The following RAPGEF2 variants were observed in gnomAD, a reference collection of about 807,000 sequenced individuals.
The protein encoded by RAPGEF2 is PDZ domain containing guanine nucleotide exchange factor (GEF) 1.
RAPGEF2 carries 54 observed loss-of-function variants against 186.7 expected under a neutral mutation model. The observed-to-expected ratio is 0.29, with a 90% CI of 0.23 to 0.36. The LOEUF is 0.36. Among genes scored for constraint, RAPGEF2 ranks in the 10% least tolerant of loss-of-function variants. RAPGEF2 has a pLI of 1.00. For missense variants in RAPGEF2, 1,532 were observed against 2,045.0 expected (o/e 0.75, Z 4.84); for synonymous variants, 712 against 705.9 (o/e 1.01, Z -0.14).
At chr4:159,189,257 G>A (rs1402223712) in intron 2 of RAPGEF2, among the ~76,000 whole-genome samples, 2 of 151,994 alleles carry the variant, frequency 1.3e-5, no homozygotes, top group Non-Finnish European at 2.9e-5. Context: ...GTGGGGGAGT[G>A]GAAGTGGCTT....
intron 1 of RAPGEF2, among the ~76,000 whole-genome samples, chr4:159,118,325 G>T (rs1739277138): frequency 6.6e-6 from 1 of 152,190 alleles, no homozygotes. Flanking sequence ...AATGCTTGAT[G>T]ATCTGTCACT....
In RAPGEF2 at chr4:159,359,420, G is replaced by A. The variant is rs1359887249; in HGVS notation, c.*1281G>A. 6.6e-6 allele frequency: 1 copy of A among 152,184 alleles called. No homozygotes were observed. Among genetic ancestry groups the A allele is most frequent in the Non-Finnish European group, 1.5e-5 (1 of 68,034 alleles). The allele number at this position is 152,184 out of a possible 1,614,324, so 9.4% of individuals were successfully genotyped here. On this transcript the variant is annotated 3_prime_UTR_variant, in exon 30 of 30. Coordinates refer to ENST00000691494, the MANE Select transcript of RAPGEF2 (RefSeq NM_001394067.2). ...CGCTGCATATAGAGAAGGCCTAAGT[G>A]TAGCAACCATCTGCTCACAGCTGCT... is the stretch of plus-strand genomic sequence containing the variant.
At chr4:159,148,369 A>G (rs897161240) in intron 1 of RAPGEF2, among the ~76,000 whole-genome samples, 3 of 152,176 alleles carry the variant, frequency 2.0e-5, no homozygotes, top group African/African-American at 7.2e-5. Flanking sequence ...AGTTTCTTAT[A>G]TTTGTTTTTA....
At chr4:159,127,557 TC>T (rs1392466468) in intron 1 of RAPGEF2, among the ~76,000 whole-genome samples, 1 of 152,200 alleles carries the variant, frequency 6.6e-6, no homozygotes, top group African/African-American at 2.4e-5. Flanking sequence ...TTCTGGGCAT[TC>T]CTTGGCAATG....
At position 159,259,448 on chromosome 4, in the gene RAPGEF2, C is replaced by T. The variant is rs1002513200; in HGVS notation, c.543+15657C>T. The stretch of plus-strand genomic sequence containing the variant: ...AAGTTAAGTGTTTTTCCTTTTCTGA[C>T]CATGTATTTCTCATTAATAAAGCAC... On this transcript the variant is annotated intron_variant, in intron 7 of 29. Transcript: ENST00000691494. Among the ~76,000 whole-genome samples the T allele has an allele frequency of 3.9e-5, 6 of 152,124 alleles. No individual in the cohort carries two copies. The East Asian group carries it at 7.7e-4, about 20-fold the overall frequency.
intron 1 of RAPGEF2, among the ~76,000 whole-genome samples, chr4:159,148,916 GT>G (rs1217144459): frequency 6.6e-6 from 1 of 152,184 alleles, no homozygotes; most frequent in African/African-American, 2.4e-5. Flanking sequence ...GAAAAAGGAT[GT>G]TGTGAACAAA....
At chr4:159,288,108 T>C (rs1437201847) in intron 7 of RAPGEF2, among the ~76,000 whole-genome samples, 3 of 152,224 alleles carry the variant, frequency 2.0e-5, no homozygotes, top group Non-Finnish European at 4.4e-5. Flanking sequence ...AACAGCCATC[T>C]TGGAACTAGC....
At chr4:159,341,177 GTGA>G (rs1370842822) in intron 19 of RAPGEF2, among the ~76,000 whole-genome samples, 1 of 152,200 alleles carries the variant, frequency 6.6e-6, no homozygotes, top group African/African-American at 2.4e-5. Flanking sequence ...GAAAATAAGA[GTGA>G]TGACGTACTT....
At position 159,343,017 on chromosome 4, in the gene RAPGEF2, C is replaced by A; in HGVS notation, c.2957C>A (p.Thr986Asn). 2 of 1,614,036 alleles carry A rather than the reference C, an allele frequency of 1.2e-6. No homozygotes were observed. Among genetic ancestry groups the A allele is most frequent in the Non-Finnish European group, 1.7e-6 (2 of 1,179,950 alleles). Residue 986 changes from threonine to asparagine, a missense_variant, in exon 21 of 30, where the codon ACC (threonine) becomes AAC (asparagine). Thr to Asn is a moderately conservative substitution (Grantham distance 65). This residue lies in a region of RAPGEF2 where 810 missense variants were observed against 1,210.5 expected (regional missense o/e 0.67). Coordinates refer to ENST00000691494, the MANE Select transcript of RAPGEF2 (RefSeq NM_001394067.2). Reference sequence around the variant, plus strand: ...GCACCAGTGGCAAGACTGCGAACGACCTGGGAGAAACTTCCCAATAAATAC... The same window carrying A: ...GCACCAGTGGCAAGACTGCGAACGAACTGGGAGAAACTTCCCAATAAATAC... ...NLAPVARLRT[T>N]WEKLPNKYEK...
In RAPGEF2 at chr4:159,193,683, T is replaced by G. The variant is rs115464564; in HGVS notation, c.197+427T>G. 7.2e-3 allele frequency among the ~76,000 whole-genome samples: 1,094 copies of G among 152,352 alleles called. 11 individuals are homozygous for G. Among genetic ancestry groups the G allele is most frequent in the African/African-American group, 0.025 (1,042 of 41,586 alleles). On this transcript the variant is annotated intron_variant, in intron 3 of 29. Coordinates refer to ENST00000691494, the MANE Select transcript of RAPGEF2 (RefSeq NM_001394067.2). ...GCTGCCCCCATGTCTTTGGGTATAA[T>G]TGCATCTTTCGATAATATTAATATT...
intron 7 of RAPGEF2, among the ~76,000 whole-genome samples, chr4:159,279,593 C>T (rs1759411699): frequency 6.6e-6 from 1 of 152,130 alleles, no homozygotes; most frequent in South Asian, 2.1e-4. Flanking sequence ...TTTTATTGTT[C>T]CTCAGTCTTA....
At chr4:159,351,507 A>T (rs369224940) in intron 26 of RAPGEF2, among the ~76,000 whole-genome samples, 4 of 152,352 alleles carry the variant, frequency 2.6e-5, no homozygotes, top group Admixed American at 1.3e-4. Flanking sequence ...TCTAGATTTT[A>T]ATTTTTCTTA....
In RAPGEF2 at chr4:159,208,420, G is replaced by A. The variant is rs1190472859; in HGVS notation, c.198-2080G>A. ...CTATGATGTACTCTTGAAAGAAATG[G>A]GGTGTGCTCTGTGCTTCCTTTCTAC... On this transcript the variant is annotated intron_variant, in intron 3 of 29. Transcript: ENST00000691494. Among the ~76,000 whole-genome samples, 4 of 152,092 alleles carry A rather than the reference G, an allele frequency of 2.6e-5. No homozygotes were observed. The East Asian group carries it at 5.8e-4, about 22-fold the overall frequency.
chr4:159,149,606 C>T (rs1743316272), intron 1 of RAPGEF2, among the ~76,000 whole-genome samples: 1 of 152,098 alleles, frequency 6.6e-6, no homozygotes, highest in Non-Finnish European at 1.5e-5. Flanking sequence ...CCTCATCCTC[C>T]TCACTCCCTT....
At chr4:159,114,476 ATCT>A (rs968187993) in intron 1 of RAPGEF2, among the ~76,000 whole-genome samples, 37 of 152,208 alleles carry the variant, frequency 2.4e-4, no homozygotes, top group African/African-American at 8.7e-4. Context: ...GGCTCAAGCG[ATCT>A]TCTCCTCTCG....
Position 159,353,987 on chromosome 4 carries a change from A to G in RAPGEF2, c.4592A>G (p.Lys1531Arg), listed in dbSNP as rs377638793. The change falls in exon 28 of 30, where the codon AAG becomes AGG. Residue 1531 changes from lysine (K) to arginine (R), a missense_variant. Lys to Arg is a conservative substitution (Grantham distance 26). Coordinates refer to ENST00000691494, the MANE Select transcript of RAPGEF2 (RefSeq NM_001394067.2). The surrounding 1 kb of genome is among the most constrained non-coding windows in gnomAD (Gnocchi z 4.3). The stretch of plus-strand genomic sequence containing the variant: ...ACGTCTGTGACTACGGAAGAAACCA[A>G]GCCTGTCCCCATGCCTGCCCACATA... ...SLTSVTTEET[K>R]PVPMPAHIAV... is the part of the protein sequence containing the mutation. The G allele has an allele frequency of 1.9e-6, 3 of 1,612,830 alleles. No individual in the cohort carries two copies. The highest frequency in any genetic ancestry group is 1.3e-5 in the African/African-American group (1 of 74,912).
intron 25 of RAPGEF2, among the ~76,000 whole-genome samples, chr4:159,348,242 A>ATGGATGGATGGATG (rs1730647108): frequency 2.8e-5 from 4 of 144,956 alleles, no homozygotes; most frequent in African/African-American, 1.1e-4. Context: ...ATAGATAGAT[A>ATGGATGGATGGATG]GATGGATGGA....
At chr4:159,319,308 G>T (rs1463296952) in intron 9 of RAPGEF2, among the ~76,000 whole-genome samples, 2 of 152,112 alleles carry the variant, frequency 1.3e-5, no homozygotes, top group Non-Finnish European at 2.9e-5. Context: ...TTTCATAAGA[G>T]TGCAAACCCT....
intron 1 of RAPGEF2, among the ~76,000 whole-genome samples, chr4:159,185,601 A>G (rs771981844): frequency 3.3e-5 from 5 of 152,224 alleles, no homozygotes; most frequent in Non-Finnish European, 7.4e-5. Flanking sequence ...CATTTACACG[A>G]AATGTCCAGA....
Sources: gnomAD v4.1 joint callset for allele counts (sites outside exome capture counted in the v4.1 genomes callset) on GRCh38, gnomAD v4.1.1 for gene constraint, gnomAD v4.1.1 regional missense constraint, Gnocchi (gnomAD v3.1) non-coding constraint, MANE v1.5 for transcripts, NCBI Gene and HGNC (gene_info 2026-07-23, HGNC 2026-07-21) for gene names.